The following DNTT variants were observed in gnomAD, a reference collection of about 807,000 sequenced individuals.
The protein encoded by DNTT is nucleosidetriphosphate:DNA deoxynucleotidylexotransferase.
A neutral mutation model predicts 60.9 loss-of-function variants in DNTT; 47 were observed. The ratio of observed to expected loss-of-function variants is 0.77; its 90% CI spans 0.61 to 0.98. The LOEUF is 0.98. DNTT is among the 50% of genes least tolerant of loss of function. The pLI, the probability that DNTT is intolerant of heterozygous loss-of-function variation, is 0.00. For synonymous variants in DNTT, 224 were observed against 221.2 expected, an observed-to-expected ratio of 1.01 and a Z score of -0.11; for missense variants, 665 against 627.5, an observed-to-expected ratio of 1.06 and a Z score of -0.64.
At position 96,338,395 on chromosome 10, in the gene DNTT, G is replaced by A. The variant is rs1347133873; in HGVS notation, c.*171G>A. The A allele has an allele frequency of 7.0e-6, 4 of 575,074 alleles. No individual in the cohort carries two copies. The highest frequency in any genetic ancestry group is 3.0e-5 in the East Asian group (1 of 33,320). The allele number at this position is 575,074 out of a possible 1,614,324, so 35.6% of individuals were successfully genotyped here. A position where few individuals can be genotyped will look rare whatever the true frequency, so the allele number is the denominator to read the frequency against. On this transcript the variant is annotated 3_prime_UTR_variant, in exon 11 of 11. Coordinates refer to ENST00000371174, the MANE Select transcript of DNTT (RefSeq NM_004088.4). ...CATGGGAAGGTGCCACTGGTAATGG[G>A]TAAGGTTCTAATAGGCCATGTTTAT... is the stretch of plus-strand genomic sequence containing the variant.
chr10:96,320,479 T>G (rs760460348), intron 3 of DNTT, 139 bp from the exon 4 acceptor site: 3 of 899,814 alleles, frequency 3.3e-6, no homozygotes, highest in African/African-American at 1.7e-5. Flanking sequence ...TACAAGGGTA[T>G]GGGAGACCCC....
At chr10:96,314,967 A>G (rs1305674174) in intron 1 of DNTT, among the ~76,000 whole-genome samples, 1 of 152,150 alleles carries the variant, frequency 6.6e-6, no homozygotes, top group East Asian at 1.9e-4. Flanking sequence ...CTCCTTAGTA[A>G]TACTGCTCGG....
At chr10:96,331,970 G>A (rs73320749) in intron 8 of DNTT, among the ~76,000 whole-genome samples, 7,855 of 152,112 alleles carry the variant, frequency 0.052, 612 homozygotes, top group African/African-American at 0.17. Context: ...TAGAAATGAG[G>A]TCTTATTATG....
At chr10:96,322,523 A>G (rs1000260902) in intron 4 of DNTT, 134 bp from the exon 5 acceptor site, 7 of 535,322 alleles carry the variant, frequency 1.3e-5, no homozygotes, top group Non-Finnish European at 2.3e-5. Context: ...CTCCAGATCA[A>G]TTAGGGAAAT....
Position 96,327,203 on chromosome 10 carries a change from T to A in DNTT, c.875-265T>A, listed in dbSNP as rs1441792982. Among the ~76,000 whole-genome samples, 7 of 152,162 alleles carry A rather than the reference T, an allele frequency of 4.6e-5. No individual in the cohort carries two copies. The South Asian group carries it at 1.0e-3, about 23-fold the overall frequency. ...TCAGTAGGAAGTCAGATCTGAACAG[T>A]TTGGATTCCAGAGGGATGTGAAATA... On this transcript the variant is annotated intron_variant, in intron 6 of 10. Transcript: ENST00000371174.
At chr10:96,333,278 C>T (rs926990878) in intron 9 of DNTT, among the ~76,000 whole-genome samples, 1 of 152,220 alleles carries the variant, frequency 6.6e-6, no homozygotes, top group Non-Finnish European at 1.5e-5. Flanking sequence ...TGTTATCTCA[C>T]ATCCGTCAGA....
Position 96,324,311 on chromosome 10 carries a change from T to A in DNTT, c.796T>A (p.Trp266Arg), listed in dbSNP as rs761176211. ...AGTGGGGCTGAAGACTTCTGAGAAG[T>A]GGTTCAGGATGGGTTTCAGAACTCT... Reference protein sequence around the residue: ...FGVGLKTSEKWFRMGFRTLSK... With the variant: ...FGVGLKTSEKRFRMGFRTLSK... Residue 266 changes from tryptophan to arginine, a missense_variant, in exon 6 of 11, where the codon TGG (tryptophan) becomes AGG (arginine). Trp to Arg is a moderately radical substitution (Grantham distance 101). Transcript: ENST00000371174. 6.2e-7 allele frequency: 1 copy of A among 1,613,916 alleles called. No individual in the cohort carries two copies. The highest frequency in any genetic ancestry group is 8.5e-7 in the Non-Finnish European group (1 of 1,179,842).
At chr10:96,305,008 C>T (rs1844617666) in intron 1 of DNTT, among the ~76,000 whole-genome samples, 1 of 152,146 alleles carries the variant, frequency 6.6e-6, no homozygotes, top group Non-Finnish European at 1.5e-5. Flanking sequence ...TAATGCTGAA[C>T]CACTCAATTC....
chr10:96,313,255 A>G (rs1319647803), intron 1 of DNTT, among the ~76,000 whole-genome samples: 1 of 152,168 alleles, frequency 6.6e-6, no homozygotes, highest in Admixed American at 6.5e-5. Flanking sequence ...TCTGAGGTTG[A>G]GGTTGGCTGC....
intron 10 of DNTT, among the ~76,000 whole-genome samples, chr10:96,337,315 C>G (rs1030747386): frequency 6.6e-6 from 1 of 152,186 alleles, no homozygotes; most frequent in Admixed American, 6.5e-5. Flanking sequence ...CTCTGATTGG[C>G]CAGACTTGGG....
At chr10:96,329,791 A>G (rs1844984479) in intron 8 of DNTT, among the ~76,000 whole-genome samples, 1 of 152,188 alleles carries the variant, frequency 6.6e-6, no homozygotes, top group Admixed American at 6.5e-5. Flanking sequence ...TCCTGGCTAG[A>G]GAGCCTCACA....
intron 6 of DNTT, 25 bp from the exon 7 acceptor site, chr10:96,327,443 A>G (rs1443262408): frequency 6.2e-7 from 1 of 1,613,994 alleles, no homozygotes; most frequent in East Asian, 2.2e-5. Context: ...CACTCTCTCC[A>G]TTGACCTGTC....
Position 96,328,788 on chromosome 10 carries a change from A to G in DNTT, c.1071A>G (p.Glu357=), listed in dbSNP as rs754954984. 1.9e-6 allele frequency: 3 copies of G among 1,613,994 alleles called. No homozygotes were observed. Among genetic ancestry groups the G allele is most frequent in the Non-Finnish European group, 1.7e-6 (2 of 1,179,936 alleles). ...LITSPGSTED[E]EQLLQKVMNL... ...CCAGCCCAGGATCAACAGAGGATGA[A>G]GAGCAACTTTTACAGAAAGTGATGA... The change falls in exon 8 of 11, where the codon GAA becomes GAG. Residue 357 remains glutamate, a synonymous_variant. Transcript: ENST00000371174.
Position 96,318,399 on chromosome 10 carries a change from T to A in DNTT, c.251T>A (p.Val84Asp). 6.2e-7 allele frequency: 1 copy of A among 1,613,694 alleles called. No homozygotes were observed. The highest frequency in any genetic ancestry group is 8.5e-7 in the Non-Finnish European group (1 of 1,179,732). ...IVAENNSGSD[V>D]LEWLQAQKVQ... ...GCAGAGAACAACTCGGGTTCGGATG[T>A]TCTGGAGTGGCTTCAAGCACAGAAA... The change falls in exon 2 of 11, where the codon GTT (valine) becomes GAT (aspartate). Residue 84 changes from valine to aspartate, a missense_variant. By Grantham distance (152) the Val-to-Asp change is radical. Transcript: ENST00000371174.
Position 96,319,398 on chromosome 10 carries a change from G to A in DNTT, c.507+8G>A, listed in dbSNP as rs1268013108. 2 of 1,613,200 alleles carry A rather than the reference G, an allele frequency of 1.2e-6. No individual in the cohort carries two copies. The highest frequency in any genetic ancestry group is 1.7e-6 in the Non-Finnish European group (2 of 1,179,382). ...TGTAACCAGATATTCACGGTAACGG[G>A]ACTTTACATCAACACCCAGGGCAAA... On this transcript the variant is annotated splice_region_variant and intron_variant, in intron 3 of 10. Coordinates refer to ENST00000371174, the MANE Select transcript of DNTT (RefSeq NM_004088.4).
Position 96,320,754 on chromosome 10 carries a change from C to T in DNTT, c.644C>T (p.Pro215Leu). The stretch of plus-strand genomic sequence containing the variant: ...AGTATGAAGGACACAGAAGGAATTC[C>T]CTGCCTGGGGTCCAAGGTGAAGGGT... The part of the protein sequence containing the change: ...IISMKDTEGI[P>L]CLGSKVKGII... Residue 215 changes from proline (P) to leucine (L), a missense_variant, in exon 4 of 11, where the codon CCC becomes CTC. Physicochemically the swap from Pro to Leu is moderately conservative, Grantham distance 98. Coordinates refer to ENST00000371174, the MANE Select transcript of DNTT (RefSeq NM_004088.4). 1 of 1,613,734 alleles carries T rather than the reference C, an allele frequency of 6.2e-7. No homozygotes were observed. Among genetic ancestry groups the T allele is most frequent in the Non-Finnish European group, 8.5e-7 (1 of 1,179,752 alleles).
chr10:96,307,699 G>GTATATATATA (rs1483322695), intron 1 of DNTT, among the ~76,000 whole-genome samples: 22 of 68,894 alleles, frequency 3.2e-4, no homozygotes, highest in South Asian at 1.6e-3. Context: ...ATGTGTGTGT[G>GTATATATATA]TGTGTGTATA....
intron 1 of DNTT, among the ~76,000 whole-genome samples, chr10:96,313,295 G>C (rs1194678075): frequency 1.3e-5 from 2 of 152,146 alleles, no homozygotes; most frequent in African/African-American, 4.8e-5. Flanking sequence ...TTTATTATAA[G>C]AAGGAAGCCA....
At chr10:96,330,216 A>T (rs184592901) in intron 8 of DNTT, among the ~76,000 whole-genome samples, 173 of 152,210 alleles carry the variant, frequency 1.1e-3, no homozygotes, top group Non-Finnish European at 1.9e-3. Context: ...ATGCATTCTC[A>T]AACACCTTGC....
Sources: allele counts gnomAD v4.1 joint callset (sites outside exome capture counted in the v4.1 genomes callset), GRCh38; gene constraint gnomAD v4.1.1; transcripts MANE v1.5; gene names NCBI Gene and HGNC (gene_info 2026-07-23, HGNC 2026-07-21).